FAAH2: variants seen among roughly 807,000 people sequenced by gnomAD.
FAAH2 encodes the protein fatty-acid amide hydrolase 2.
Under a neutral mutation model 36.9 loss-of-function variants are expected in FAAH2, and 60 were observed. That is an observed-to-expected ratio of 1.63 (90% CI 1.32 to 2.02). The LOEUF (loss-of-function observed/expected upper bound fraction) is 2.02. Among genes scored for constraint, FAAH2 ranks in the 30% most tolerant of loss-of-function variants. The probability of loss-of-function intolerance (pLI) is 0.00; values close to 1 mark genes in which losing one functional copy is unlikely to be tolerated. For synonymous variants in FAAH2, 214 were observed against 143.8 expected (o/e 1.49, Z -3.49); for missense variants, 689 against 397.5 (o/e 1.73, Z -6.23).
chrX:57,282,088 A>T (rs964793827), upstream of FAAH2, among the ~76,000 whole-genome samples: 1 of 112,192 alleles, frequency 8.9e-6, no homozygotes, highest in Non-Finnish European at 1.9e-5. Flanking sequence ...TATACCCAGT[A>T]ATGAGATTGC....
chrX:57,390,147 A>T (rs1256151659), intron 7 of FAAH2, among the ~76,000 whole-genome samples: 1 of 111,482 alleles, frequency 9.0e-6, no homozygotes, highest in Non-Finnish European at 1.9e-5. Context: ...TTGCCTTTGT[A>T]TTTTATATTG....
At chrX:57,381,361 C>T (rs757645828) in intron 7 of FAAH2, among the ~76,000 whole-genome samples, 2 of 110,364 alleles carry the variant, frequency 1.8e-5, no homozygotes, top group African/African-American at 3.3e-5. Context: ...ATAGAGACAA[C>T]ATTATATATG....
the FAAH2 span, among the ~76,000 whole-genome samples, chrX:57,177,467 A>AAT: frequency 7.8e-5 from 8 of 102,658 alleles, no homozygotes; most frequent in Admixed American, 2.2e-4. Flanking sequence ...TAATAATAAT[A>AAT]ATATATATAT....
the FAAH2 span, among the ~76,000 whole-genome samples, chrX:57,194,057 A>G: frequency 9.0e-6 from 1 of 111,384 alleles, no homozygotes; most frequent in Non-Finnish European, 1.9e-5. Flanking sequence ...ATTTGGAATA[A>G]TTGCCTCTTC....
At chrX:57,437,121 CAAA>C (rs891692963) in intron 8 of FAAH2, among the ~76,000 whole-genome samples, 7 of 110,986 alleles carry the variant, frequency 6.3e-5, no homozygotes, top group African/African-American at 2.0e-4. Context: ...ACAAAAATAA[CAAA>C]ACCATATAAT....
the FAAH2 span, among the ~76,000 whole-genome samples, chrX:57,204,619 A>G: frequency 9.0e-6 from 1 of 111,711 alleles, no homozygotes; most frequent in South Asian, 3.7e-4. Flanking sequence ...TATTTTACCT[A>G]TTTCCCAACT....
chrX:57,299,523 G>C (rs1243688732), intron 2 of FAAH2, among the ~76,000 whole-genome samples: 1 of 111,583 alleles, frequency 9.0e-6, no homozygotes, highest in Non-Finnish European at 1.9e-5. Flanking sequence ...AAAACTGGAA[G>C]CATTCCCTTT....
intron 7 of FAAH2, among the ~76,000 whole-genome samples, chrX:57,418,736 A>ATTT (rs1335720036): frequency 6.7e-4 from 74 of 109,790 alleles, no homozygotes; most frequent in Non-Finnish European, 1.3e-3. Flanking sequence ...TATTATTATT[A>ATTT]TACTTTAAGT....
chrX:57,222,488 C>T, the FAAH2 span, among the ~76,000 whole-genome samples: 12 of 112,062 alleles, frequency 1.1e-4, no homozygotes, highest in Non-Finnish European at 1.7e-4. Flanking sequence ...CACCATTCTC[C>T]GATGGCCTGC....
chrX:57,331,532 C>G (rs959510187), intron 3 of FAAH2, 66 bp from the exon 4 acceptor site: 1 of 995,608 alleles, frequency 1.0e-6, no homozygotes. Flanking sequence ...GCCATCTTGC[C>G]CCTCAGGAGA....
At chrX:57,387,686 T>A (rs1482449098) in intron 7 of FAAH2, among the ~76,000 whole-genome samples, 1 of 111,729 alleles carries the variant, frequency 9.0e-6, no homozygotes, top group Admixed American at 9.5e-5. Context: ...ATTACAAATA[T>A]CATTCCATTT....
intron 10 of FAAH2, among the ~76,000 whole-genome samples, chrX:57,461,203 G>A (rs756693187): frequency 7.3e-5 from 8 of 110,185 alleles, no homozygotes; most frequent in Non-Finnish European, 1.5e-4. Context: ...CACAATAATA[G>A]TGGGAGACTT....
chrX:57,407,078 G>A (rs1279542636), intron 7 of FAAH2, among the ~76,000 whole-genome samples: 1 of 112,012 alleles, frequency 8.9e-6, no homozygotes, highest in Non-Finnish European at 1.9e-5. Context: ...GCTTTGGAGG[G>A]CTCTGCTCCC....
the FAAH2 span, among the ~76,000 whole-genome samples, chrX:57,266,530 A>T: frequency 1.8e-5 from 2 of 112,649 alleles, no homozygotes; most frequent in African/African-American, 6.5e-5. Flanking sequence ...CTGCCTTTGC[A>T]GTAGGCCTCT....
chrX:57,438,750 C>G (rs1320649112), intron 8 of FAAH2, among the ~76,000 whole-genome samples: 1 of 82,984 alleles, frequency 1.2e-5, no homozygotes, highest in Non-Finnish European at 2.4e-5. Flanking sequence ...ATCCCTCCCC[C>G]CTCCCCCCAC....
intron 8 of FAAH2, among the ~76,000 whole-genome samples, chrX:57,437,255 A>C (rs893232100): frequency 1.8e-5 from 2 of 110,924 alleles, no homozygotes; most frequent in Non-Finnish European, 3.8e-5. Flanking sequence ...ACATACAACA[A>C]ACCCAAATCT....
At chrX:57,317,113 A>T (rs1182858328) in intron 3 of FAAH2, among the ~76,000 whole-genome samples, 2 of 111,971 alleles carry the variant, frequency 1.8e-5, no homozygotes, top group Non-Finnish European at 3.8e-5. Flanking sequence ...AAGACAGACA[A>T]GTGGCCAACA....
chrX:57,218,394 G>A, the FAAH2 span, among the ~76,000 whole-genome samples: 1 of 111,723 alleles, frequency 9.0e-6, no homozygotes, highest in South Asian at 3.7e-4. Context: ...ATTTTGCTGG[G>A]GGTTTTAATC....
intron 7 of FAAH2, among the ~76,000 whole-genome samples, chrX:57,428,275 T>A (rs1569338229): frequency 8.9e-6 from 1 of 111,977 alleles, no homozygotes; most frequent in East Asian, 2.8e-4. Flanking sequence ...AATCTTATGC[T>A]CTTGAATAAG....
Sources: gnomAD v4.1 joint callset for allele counts (sites outside exome capture counted in the v4.1 genomes callset) on GRCh38, gnomAD v4.1.1 for gene constraint, MANE v1.5 for transcripts, NCBI Gene and HGNC (gene_info 2026-07-23, HGNC 2026-07-21) for gene names.